Variants in ERG observed in about 807,000 individuals in gnomAD.
ERG encodes transcriptional regulator ERG.
A neutral mutation model predicts 55.3 loss-of-function variants in ERG; 9 were observed. The observed-to-expected ratio is 0.16, with a 90% CI of 0.10 to 0.28. ERG has a LOEUF of 0.28. Among genes scored for constraint, ERG ranks in the 10% least tolerant of loss-of-function variants. The pLI, the probability that ERG is intolerant of heterozygous loss-of-function variation, is 1.00. For synonymous variants in ERG, 223 were observed against 237.3 expected (o/e 0.94, Z 0.55); for missense variants, 434 against 631.6 (o/e 0.69, Z 3.35).
chr21:38,410,791 A>G (rs2146474349), intron 3 of ERG, among the ~76,000 whole-genome samples: 1 of 152,344 alleles, frequency 6.6e-6, no homozygotes, highest in South Asian at 2.1e-4. Context: ...CCCTCTAGAG[A>G]AATGAATAAA....
intron 1 of ERG, among the ~76,000 whole-genome samples, chr21:38,583,881 C>A (rs921634933): frequency 1.3e-5 from 2 of 152,208 alleles, no homozygotes; most frequent in Non-Finnish European, 2.9e-5. Flanking sequence ...GGACATCCAG[C>A]CTCCGGAACG....
chr21:38,488,438 AT>A (rs528287878), intron 1 of ERG, among the ~76,000 whole-genome samples: 113 of 150,792 alleles, frequency 7.5e-4, no homozygotes, highest in Non-Finnish European at 1.3e-3. Flanking sequence ...GACTTGATCT[AT>A]TTTTTTTTCT....
intron 2 of ERG, among the ~76,000 whole-genome samples, chr21:38,435,553 C>A (rs1025199433): frequency 1.3e-5 from 2 of 152,160 alleles, no homozygotes; most frequent in South Asian, 2.1e-4. Flanking sequence ...GAATTTCAGC[C>A]TCTTCCCAAC....
At chr21:38,518,635 G>C (rs1186919880) in intron 2 of ERG, among the ~76,000 whole-genome samples, 2 of 151,988 alleles carry the variant, frequency 1.3e-5, no homozygotes, top group Admixed American at 6.6e-5. Context: ...ATTGATGTCA[G>C]ATAAACTATA....
At chr21:38,543,364 T>TA (rs57245755) in intron 2 of ERG, among the ~76,000 whole-genome samples, 10,096 of 148,986 alleles carry the variant, frequency 0.068, 520 homozygotes, top group Admixed American at 0.16. Context: ...TGTTTTTTTT[T>TA]AAAAAAAAAG....
intron 2 of ERG, among the ~76,000 whole-genome samples, chr21:38,535,116 C>T (rs1273303778): frequency 6.6e-6 from 1 of 152,008 alleles, no homozygotes; most frequent in Non-Finnish European, 1.5e-5. Flanking sequence ...CCACCCCCAC[C>T]ATCCCCCAAC....
chr21:38,401,748 G>A (rs552610411), intron 5 of ERG, among the ~76,000 whole-genome samples: 102 of 152,120 alleles, frequency 6.7e-4, no homozygotes, highest in African/African-American at 2.2e-3. Flanking sequence ...CCATGCTTCC[G>A]GAACTCTCTC....
chr21:38,605,250 T>C (rs75641211), intron 1 of ERG, among the ~76,000 whole-genome samples: 8 of 152,308 alleles, frequency 5.3e-5, no homozygotes, highest in Non-Finnish European at 1.2e-4. Context: ...CAGTAACCAT[T>C]GTCACGGGGT....
chr21:38,516,139 CA>C (rs2059549963), intron 2 of ERG, among the ~76,000 whole-genome samples: 1 of 151,986 alleles, frequency 6.6e-6, no homozygotes, highest in Non-Finnish European at 1.5e-5. Context: ...CCAGAGCAAT[CA>C]GGCAAGAGAA....
At chr21:38,454,985 G>C (rs747021835) in intron 1 of ERG, among the ~76,000 whole-genome samples, 3 of 152,060 alleles carry the variant, frequency 2.0e-5, no homozygotes, top group Non-Finnish European at 4.4e-5. Flanking sequence ...TCAAAGCTTT[G>C]TGCAGGAAGG....
chr21:38,428,837 C>A (rs1042540965), intron 2 of ERG, among the ~76,000 whole-genome samples: 4 of 152,096 alleles, frequency 2.6e-5, no homozygotes, highest in Admixed American at 6.6e-5. Context: ...AAGCGTGGTT[C>A]AAGATATTGC....
intron 6 of ERG, among the ~76,000 whole-genome samples, chr21:38,398,220 T>G (rs1189683121): frequency 6.6e-6 from 1 of 152,088 alleles, no homozygotes; most frequent in Non-Finnish European, 1.5e-5. Flanking sequence ...CGACGTTCAT[T>G]CTCCAGTTGC....
At chr21:38,532,474 C>T (rs1468189535) in intron 2 of ERG, among the ~76,000 whole-genome samples, 2 of 152,152 alleles carry the variant, frequency 1.3e-5, no homozygotes, top group African/African-American at 4.8e-5. Flanking sequence ...TGTGTTATCC[C>T]ATCATCTAAA....
At chr21:38,473,159 CAA>C (rs33994175) in intron 1 of ERG, among the ~76,000 whole-genome samples, 35,346 of 105,984 alleles carry the variant, frequency 0.33, 4,815 homozygotes, top group Non-Finnish European at 0.39. Flanking sequence ...AGGATGCGCT[CAA>C]AAAAAAAAAA....
intron 9 of ERG, among the ~76,000 whole-genome samples, chr21:38,385,497 C>T (rs994981879): frequency 1.3e-5 from 2 of 152,194 alleles, no homozygotes; most frequent in Non-Finnish European, 2.9e-5. Context: ...GTACATATCA[C>T]CCAACTTATA....
rs116219212 is a variant in ERG, at chr21:38,653,689, C to T, written c.-150+7969G>A. Among the ~76,000 whole-genome samples, 804 of 152,282 alleles carry T rather than the reference C, an allele frequency of 5.3e-3. 13 individuals carry two copies. Among genetic ancestry groups the T allele is most frequent in the African/African-American group, 0.018 (767 of 41,542 alleles). Reference sequence around the variant, plus strand: ...ACAGGTGGATAGGCGGGCTCCATAGCGGAATGTTCTGGCTTCTCCCACTAA... The same window carrying T: ...ACAGGTGGATAGGCGGGCTCCATAGTGGAATGTTCTGGCTTCTCCCACTAA... On this transcript the variant is annotated intron_variant, in intron 1 of 10. Transcript: ENST00000398910.
intron 1 of ERG, among the ~76,000 whole-genome samples, chr21:38,652,832 T>C (rs533297221): frequency 1.3e-5 from 2 of 152,346 alleles, no homozygotes; most frequent in East Asian, 1.9e-4. Context: ...GCTGGCCCAG[T>C]TCAACCAGGT....
chr21:38,576,757 G>A (rs895823625), intron 1 of ERG, among the ~76,000 whole-genome samples: 5 of 152,038 alleles, frequency 3.3e-5, no homozygotes, highest in Non-Finnish European at 7.4e-5. Flanking sequence ...TGGAGAGCAG[G>A]GGTGAGAGGA....
At chr21:38,632,722 C>G (rs1240729471) in intron 1 of ERG, among the ~76,000 whole-genome samples, 1 of 152,160 alleles carries the variant, frequency 6.6e-6, no homozygotes, top group Non-Finnish European at 1.5e-5. Context: ...TCAATTAAAC[C>G]TCTTTCCTTT....
Sources: gnomAD v4.1 joint callset for allele counts (sites outside exome capture counted in the v4.1 genomes callset) on GRCh38, gnomAD v4.1.1 for gene constraint, MANE v1.5 for transcripts, NCBI Gene and HGNC (gene_info 2026-07-23, HGNC 2026-07-21) for gene names.